TRAPPC3: variants seen among roughly 807,000 people sequenced by gnomAD.
The protein encoded by TRAPPC3 is trafficking protein particle complex 3.
In TRAPPC3, 5 loss-of-function variants were observed where a neutral mutation model predicts 18.2. The observed-to-expected ratio is 0.28, with a 90% CI of 0.14 to 0.58. The LOEUF (loss-of-function observed/expected upper bound fraction) is 0.58, where lower values mean the gene tolerates loss of function less well. Among genes scored for constraint, TRAPPC3 ranks in the 20% least tolerant of loss-of-function variants. The pLI is 0.91. For missense variants in TRAPPC3, 176 were observed against 225.9 expected (o/e 0.78, Z 1.41); for synonymous variants, 65 against 84.2 (o/e 0.77, Z 1.25).
At chr1:36,155,877 C>T (rs1325253300) in intron 1 of TRAPPC3, 1 of 152,360 alleles carries the variant, frequency 6.6e-6, no homozygotes, top group Non-Finnish European at 1.5e-5. Context: ...CCCGAGCGCT[C>T]CCTACTTAGT....
chr1:36,152,690 G>A (rs12075348), upstream of TRAPPC3, among the ~76,000 whole-genome samples: 11,167 of 151,348 alleles, frequency 0.074, 1,423 homozygotes, highest in African/African-American at 0.26. Context: ...GGTCTCTGTC[G>A]TCCAGGCTGG....
chr1:36,137,066 A>G lies in TRAPPC3; in HGVS notation c.*137T>C, dbSNP rs531210925. ...ATATCGCAGTCTGCTCTTTATTTGAATGGAGAATGGAAACAGGTTATAAGA... is the reference window on the plus strand; with the variant it reads ...ATATCGCAGTCTGCTCTTTATTTGAGTGGAGAATGGAAACAGGTTATAAGA... On this transcript the variant is annotated 3_prime_UTR_variant, in exon 5 of 5. Coordinates refer to ENST00000373166, the MANE Select transcript of TRAPPC3 (RefSeq NM_014408.5). 9.4e-7 allele frequency: 1 copy of G among 1,061,804 alleles called. No individual in the cohort carries two copies. Among genetic ancestry groups the G allele is most frequent in the Admixed American group, 2.2e-5 (1 of 45,458 alleles). 65.8% of individuals were successfully genotyped at this position (1,061,804 alleles called of 1,614,324 possible).
At chr1:36,154,574 C>T (rs1300232350) in intron 1 of TRAPPC3, among the ~76,000 whole-genome samples, 1 of 152,128 alleles carries the variant, frequency 6.6e-6, no homozygotes, top group Admixed American at 6.5e-5. Flanking sequence ...GCAGTCCCCC[C>T]ACCCTGCAGA....
intron 2 of TRAPPC3, 34 bp from the exon 3 acceptor site, chr1:36,139,853 AGTCTAAAT>A: frequency 6.2e-7 from 1 of 1,612,176 alleles, no homozygotes. Flanking sequence ...ACTATGATGG[AGTCTAAAT>A]GTCTTATGTT....
At position 36,137,335 on chromosome 1, in the gene TRAPPC3, G is replaced by T; in HGVS notation, c.424-13C>A. 6.2e-7 allele frequency: 1 copy of T among 1,605,302 alleles called. No homozygotes were observed. Among genetic ancestry groups the T allele is most frequent in the South Asian group, 1.1e-5 (1 of 90,882 alleles). On this transcript the variant is annotated splice_polypyrimidine_tract_variant and intron_variant, in intron 4 of 4. Coordinates refer to ENST00000373166, the MANE Select transcript of TRAPPC3 (RefSeq NM_014408.5). ...CAGCCATCTGGACCTGGGGGACAGT[G>T]GGAAAACGAAGGGGTAGCTGCCTGG...
At chr1:36,148,741 G>A (rs1644236550) in intron 1 of TRAPPC3, among the ~76,000 whole-genome samples, 1 of 152,164 alleles carries the variant, frequency 6.6e-6, no homozygotes, top group South Asian at 2.1e-4. Context: ...ACCACTCACT[G>A]CTTACTCTGG....
intron 1 of TRAPPC3, among the ~76,000 whole-genome samples, chr1:36,142,068 A>G (rs2124152613): frequency 6.6e-6 from 1 of 152,154 alleles, no homozygotes; most frequent in Admixed American, 6.6e-5. Context: ...CCAATGGTCA[A>G]CCTATCCACT....
intron 1 of TRAPPC3, among the ~76,000 whole-genome samples, chr1:36,155,043 AAAGG>A (rs1644305720): frequency 6.6e-6 from 1 of 152,160 alleles, no homozygotes; most frequent in African/African-American, 2.4e-5. Flanking sequence ...GGAGCTGCTT[AAAGG>A]AAGGAGAAAC....
At chr1:36,138,068 T>G (rs1441330285) in intron 3 of TRAPPC3, 90 bp from the exon 4 acceptor site, 1 of 1,600,384 alleles carries the variant, frequency 6.2e-7, no homozygotes, top group Non-Finnish European at 8.5e-7. Flanking sequence ...GGGAATTAAG[T>G]GGCTCAGGAA....
At chr1:36,153,969 C>T (rs1644291258), upstream of TRAPPC3, among the ~76,000 whole-genome samples, 2 of 152,158 alleles carry the variant, frequency 1.3e-5, no homozygotes, top group South Asian at 2.1e-4. Flanking sequence ...TTTTTAGCTG[C>T]CATTTCCACC....
intron 2 of TRAPPC3, 30 bp downstream of exon 2, chr1:36,140,039 T>C: frequency 6.4e-7 from 1 of 1,558,772 alleles, no homozygotes; most frequent in Non-Finnish European, 8.7e-7. Context: ...AGGCCCCATT[T>C]CTGTCTCTCC....
chr1:36,146,703 C>A (rs1245968771), intron 1 of TRAPPC3, among the ~76,000 whole-genome samples: 2 of 151,616 alleles, frequency 1.3e-5, no homozygotes, highest in Non-Finnish European at 2.9e-5. Flanking sequence ...CAGGTGCAGG[C>A]GGTACTACAC....
chr1:36,155,456 G>A (rs1644309996), intron 1 of TRAPPC3: 2 of 152,380 alleles, frequency 1.3e-5, no homozygotes, highest in Admixed American at 1.3e-4. Context: ...GTCGTCTGGT[G>A]GGGGTGGGGG....
At chr1:36,143,987 G>A (rs190123645) in intron 1 of TRAPPC3, among the ~76,000 whole-genome samples, 15 of 152,260 alleles carry the variant, frequency 9.9e-5, no homozygotes, top group Non-Finnish European at 2.2e-4. Context: ...CTGGTTCCAT[G>A]TGGTGTGGTG....
At chr1:36,152,262 T>G (rs1183554892), upstream of TRAPPC3, among the ~76,000 whole-genome samples, 1 of 151,410 alleles carries the variant, frequency 6.6e-6, no homozygotes, top group African/African-American at 2.4e-5. Context: ...TTTCTTCCCC[T>G]CGGGGAAACA....
exon 1 of TRAPPC3, chr1:36,156,038 AACGGCGCGG>A (rs1171464325): frequency 3.3e-5 from 7 of 209,586 alleles, no homozygotes; most frequent in South Asian, 1.6e-4. Flanking sequence ...GGGCGGCGCG[AACGGCGCGG>A]ACGGCGCGGG....
At chr1:36,146,261 T>C (rs1430808460) in intron 1 of TRAPPC3, among the ~76,000 whole-genome samples, 5 of 149,880 alleles carry the variant, frequency 3.3e-5, no homozygotes, top group Non-Finnish European at 7.4e-5. Flanking sequence ...GTATTTTTAG[T>C]AGAGATGGGG....
At chr1:36,151,445 T>A (rs909451652), upstream of TRAPPC3, among the ~76,000 whole-genome samples, 10 of 151,420 alleles carry the variant, frequency 6.6e-5, no homozygotes, top group Admixed American at 2.0e-4. Flanking sequence ...TAAATAAAAA[T>A]TAAAAAAAAC....
At chr1:36,140,219 T>C (rs1188490230) in intron 1 of TRAPPC3, 53 bp from the exon 2 acceptor site, 2 of 1,224,820 alleles carry the variant, frequency 1.6e-6, no homozygotes, top group East Asian at 2.5e-5. Flanking sequence ...AGAGAAAGCG[T>C]GGTGAGAGTC....
Sources: gnomAD v4.1 joint callset for allele counts (sites outside exome capture counted in the v4.1 genomes callset) on GRCh38, gnomAD v4.1.1 for gene constraint, MANE v1.5 for transcripts, NCBI Gene and HGNC (gene_info 2026-07-23, HGNC 2026-07-21) for gene names.